The following ZRANB3 variants were observed in gnomAD, a reference collection of about 807,000 sequenced individuals.
ZRANB3 encodes DNA annealing helicase and endonuclease ZRANB3.
ZRANB3 carries 125 observed loss-of-function variants against 133.8 expected under a neutral mutation model. The ratio of observed to expected loss-of-function variants is 0.93; its 90% confidence interval spans 0.81 to 1.08. The LOEUF (loss-of-function observed/expected upper bound fraction) is 1.08, where lower values mean the gene tolerates loss of function less well. ZRANB3 is among the 50% of genes least tolerant of loss of function. The probability of loss-of-function intolerance (pLI) is 0.00; values close to 1 mark genes in which losing one functional copy is unlikely to be tolerated. For missense variants in ZRANB3, 1,229 were observed against 1,275.5 expected, an observed-to-expected ratio of 0.96 and a Z score of 0.56; for synonymous variants, 387 against 432.7, an observed-to-expected ratio of 0.89 and a Z score of 1.31.
chr2:135,264,200 C>T (rs1418094403), intron 12 of ZRANB3, among the ~76,000 whole-genome samples: 2 of 151,122 alleles, frequency 1.3e-5, no homozygotes, highest in South Asian at 4.2e-4. Context: ...AGGCCGGGCG[C>T]GGTGGCTCAA....
intron 12 of ZRANB3, among the ~76,000 whole-genome samples, chr2:135,252,207 C>A (rs547971685): frequency 3.9e-5 from 6 of 152,182 alleles, no homozygotes; most frequent in East Asian, 1.9e-4. Flanking sequence ...GGGGAGGTTG[C>A]ATGAGGAAGA....
At chr2:135,527,249 C>T (rs1308734683) in intron 1 of ZRANB3, among the ~76,000 whole-genome samples, 1 of 152,080 alleles carries the variant, frequency 6.6e-6, no homozygotes, top group Admixed American at 6.6e-5. Flanking sequence ...GACTCAGGGT[C>T]ACACTATACA....
chr2:135,262,472 C>T (rs1306575298), intron 12 of ZRANB3, among the ~76,000 whole-genome samples: 3 of 152,104 alleles, frequency 2.0e-5, no homozygotes, highest in East Asian at 3.9e-4. Context: ...AACTTTGACA[C>T]CATATTACCT....
At chr2:135,345,128 T>A (rs1684856929) in intron 6 of ZRANB3, 1 of 152,294 alleles carries the variant, frequency 6.6e-6, no homozygotes, top group Non-Finnish European at 1.5e-5. Flanking sequence ...AACTTTGCCA[T>A]TATCTATTAC....
At chr2:135,282,742 C>A (rs768825462) in intron 8 of ZRANB3, among the ~76,000 whole-genome samples, 1 of 152,040 alleles carries the variant, frequency 6.6e-6, no homozygotes, top group Admixed American at 6.6e-5. Flanking sequence ...ATATCTTAAC[C>A]AGCATAGTTT....
At chr2:135,375,447 A>G (rs1018766965) in intron 3 of ZRANB3, among the ~76,000 whole-genome samples, 46 of 152,090 alleles carry the variant, frequency 3.0e-4, no homozygotes, top group African/African-American at 1.1e-3. Flanking sequence ...CCACTTTGGG[A>G]GGCCAAGGCG....
At chr2:135,384,057 T>C (rs1686847209) in intron 3 of ZRANB3, among the ~76,000 whole-genome samples, 1 of 152,116 alleles carries the variant, frequency 6.6e-6, no homozygotes, top group South Asian at 2.1e-4. Context: ...ATCCAGGAGC[T>C]GGTTTTTTGA....
chr2:135,379,862 T>C (rs1686606877), intron 3 of ZRANB3, among the ~76,000 whole-genome samples: 1 of 151,416 alleles, frequency 6.6e-6, no homozygotes, highest in Admixed American at 6.6e-5. Context: ...AGACAGAAAC[T>C]GGCAAATTGG....
chr2:135,528,636 G>A (rs1446022515), intron 1 of ZRANB3, among the ~76,000 whole-genome samples: 2 of 151,726 alleles, frequency 1.3e-5, no homozygotes, highest in African/African-American at 4.8e-5. Context: ...AAGAACTCCT[G>A]ACACAAACAA....
intron 2 of ZRANB3, among the ~76,000 whole-genome samples, chr2:135,400,240 A>C (rs1339866512): frequency 1.3e-5 from 2 of 151,724 alleles, no homozygotes; most frequent in Non-Finnish European, 2.9e-5. Flanking sequence ...ACTTCATCTC[A>C]AAAATAGTAA....
chr2:135,356,922 G>A (rs1201784480), intron 3 of ZRANB3, among the ~76,000 whole-genome samples: 2 of 151,996 alleles, frequency 1.3e-5, no homozygotes, highest in African/African-American at 2.4e-5. Context: ...GAGCTCAAGC[G>A]ATCCACCTAC....
intron 3 of ZRANB3, among the ~76,000 whole-genome samples, chr2:135,389,364 T>C (rs1687121322): frequency 6.6e-6 from 1 of 152,218 alleles, no homozygotes; most frequent in Non-Finnish European, 1.5e-5. Flanking sequence ...ATAGGACTCA[T>C]GTTATTCCTT....
At chr2:135,483,453 C>T (rs1384651164) in intron 2 of ZRANB3, among the ~76,000 whole-genome samples, 1 of 152,100 alleles carries the variant, frequency 6.6e-6, no homozygotes, top group South Asian at 2.1e-4. Context: ...TCTGTGGGAT[C>T]AGTGGTGATA....
chr2:135,276,212 T>G (rs2105127042), intron 8 of ZRANB3, among the ~76,000 whole-genome samples: 1 of 149,808 alleles, frequency 6.7e-6, no homozygotes, highest in Admixed American at 6.6e-5. Context: ...AATCAGGGAC[T>G]GAAGCTTAAG....
At chr2:135,301,333 G>A (rs929021161) in intron 8 of ZRANB3, among the ~76,000 whole-genome samples, 5 of 151,840 alleles carry the variant, frequency 3.3e-5, no homozygotes, top group South Asian at 4.2e-4. Context: ...TTATAGGCAC[G>A]CACCACCATG....
intron 2 of ZRANB3, among the ~76,000 whole-genome samples, chr2:135,405,633 C>T (rs1052282533): frequency 6.6e-6 from 1 of 152,120 alleles, no homozygotes; most frequent in Non-Finnish European, 1.5e-5. Context: ...TCAGACCACA[C>T]TGCAATCAAA....
intron 11 of ZRANB3, among the ~76,000 whole-genome samples, chr2:135,267,006 T>C (rs1437030199): frequency 6.6e-6 from 1 of 152,162 alleles, no homozygotes; most frequent in Non-Finnish European, 1.5e-5. Context: ...AACCAAGCTG[T>C]AGCCCAACCA....
At chr2:135,412,760 T>C (rs1043446862) in intron 2 of ZRANB3, among the ~76,000 whole-genome samples, 2 of 152,180 alleles carry the variant, frequency 1.3e-5, no homozygotes, top group African/African-American at 4.8e-5. Context: ...TTTCCTGTTT[T>C]GTTCTTCATT....
At chr2:135,250,718 A>T (rs1310579738) in intron 12 of ZRANB3, among the ~76,000 whole-genome samples, 1 of 152,246 alleles carries the variant, frequency 6.6e-6, no homozygotes. Flanking sequence ...GTGGGTGCAC[A>T]GAAGTCAAGA....
Sources: gnomAD v4.1 joint callset for allele counts (sites outside exome capture counted in the v4.1 genomes callset) on GRCh38, gnomAD v4.1.1 for gene constraint, MANE v1.5 for transcripts, NCBI Gene and HGNC (gene_info 2026-07-23, HGNC 2026-07-21) for gene names.